The following ZNF618 variants were observed in gnomAD, a reference collection of about 807,000 sequenced individuals.
ZNF618 encodes neural precursor cell expressed, developmentally down-regulated 10.
A neutral mutation model predicts 103.0 loss-of-function variants in ZNF618; 34 were observed. The observed-to-expected ratio is 0.33, with a 90% confidence interval of 0.25 to 0.44. The LOEUF is 0.44. ZNF618 is among the 20% of genes least tolerant of loss of function. ZNF618 has a pLI of 1.00. For synonymous variants in ZNF618, 551 were observed against 542.2 expected, an observed-to-expected ratio of 1.02 and a Z score of -0.23; for missense variants, 1,059 against 1,295.4, an observed-to-expected ratio of 0.82 and a Z score of 2.80.
intron 1 of ZNF618, among the ~76,000 whole-genome samples, chr9:113,964,409 A>T (rs1837162912): frequency 6.6e-6 from 1 of 152,196 alleles, no homozygotes; most frequent in South Asian, 2.1e-4. Context: ...TGTATAACAA[A>T]TGAATATATC....
At position 113,969,122 on chromosome 9, in the gene ZNF618, C is replaced by T. The variant is rs754153795; in HGVS notation, c.39C>T (p.Asp13=). The T allele has an allele frequency of 3.0e-5, 48 of 1,613,838 alleles. No homozygotes were observed. The highest frequency in any genetic ancestry group is 3.3e-4 in the Middle Eastern group (2 of 6,084). ...QPGGAAAPQA[D]GASAAGRKST... ...GTTTTGGGTTTCTTTTGCAGGCTGA[C>T]GGAGCCAGTGCAGCCGGAAGGAAAA... The change falls in exon 2 of 15, where the codon GAC becomes GAT. Residue 13 remains aspartate, a synonymous_variant. Coordinates refer to ENST00000374126, the MANE Select transcript of ZNF618 (RefSeq NM_001318042.2).
chr9:114,019,687 CTGTT>C (rs980345865), intron 10 of ZNF618, among the ~76,000 whole-genome samples: 25 of 152,138 alleles, frequency 1.6e-4, no homozygotes, highest in African/African-American at 5.8e-4. Flanking sequence ...TTTGGTTGGG[CTGTT>C]TGTCTTTTTT....
intron 3 of ZNF618, among the ~76,000 whole-genome samples, chr9:113,990,066 A>G (rs911080857): frequency 6.6e-6 from 1 of 152,184 alleles, no homozygotes; most frequent in Non-Finnish European, 1.5e-5. Flanking sequence ...ATTCCAGTGT[A>G]GTCTGCTCTT....
Position 113,951,497 on chromosome 9 carries a change from GTGTACACATATATGTGTGTATA to G in ZNF618, c.34-17608_34-17587del, listed in dbSNP as rs1472745188. ...TATGTGTACACATATATGTGTGTAT[GTGTACACATATATGTGTGTATA>G]TGTACACATATGTGTGTACATATGT... On this transcript the variant is annotated intron_variant, in intron 1 of 14. Coordinates refer to ENST00000374126, the MANE Select transcript of ZNF618 (RefSeq NM_001318042.2). Among the ~76,000 whole-genome samples the G allele has an allele frequency of 1.1e-3, 39 of 36,938 alleles. 3 individuals are homozygous for G. Among genetic ancestry groups the G allele is most frequent in the African/African-American group, 1.8e-3 (24 of 13,204 alleles). The allele number at this position is 36,938 out of a possible 152,430, so 24.2% of individuals were successfully genotyped here.
chr9:113,938,927 C>T (rs1023038783), intron 1 of ZNF618, among the ~76,000 whole-genome samples: 1 of 151,922 alleles, frequency 6.6e-6, no homozygotes, highest in Non-Finnish European at 1.5e-5. Flanking sequence ...TGTTGACTTG[C>T]GAATATTTAT....
intron 1 of ZNF618, among the ~76,000 whole-genome samples, chr9:113,935,904 A>G (rs950766302): frequency 2.0e-5 from 3 of 152,148 alleles, no homozygotes; most frequent in African/African-American, 4.8e-5. Context: ...TAGTGTGATA[A>G]TGCGCTTATC....
At chr9:113,991,957 C>T (rs1454529876) in intron 3 of ZNF618, among the ~76,000 whole-genome samples, 1 of 152,194 alleles carries the variant, frequency 6.6e-6, no homozygotes, top group African/African-American at 2.4e-5. Context: ...TGCTGGAAGT[C>T]AGGCTTTTCT....
chr9:114,027,382 A>G (rs559435565), intron 10 of ZNF618, among the ~76,000 whole-genome samples: 4 of 152,312 alleles, frequency 2.6e-5, no homozygotes, highest in African/African-American at 9.6e-5. Flanking sequence ...TAAGTGGGGC[A>G]TGACTAAAGA....
At chr9:113,897,792 T>G (rs1464591329) in intron 1 of ZNF618, among the ~76,000 whole-genome samples, 1 of 152,174 alleles carries the variant, frequency 6.6e-6, no homozygotes, top group Non-Finnish European at 1.5e-5. Flanking sequence ...TTTTTTGTTT[T>G]GTTTTGTTTT....
intron 9 of ZNF618, among the ~76,000 whole-genome samples, chr9:114,013,870 C>G (rs1428203994): frequency 1.3e-5 from 2 of 152,102 alleles, no homozygotes; most frequent in African/African-American, 4.8e-5. Flanking sequence ...ATTCTTAGGC[C>G]CTACTCCAGA....
At chr9:113,876,794 C>T (rs916045849) in intron 1 of ZNF618, among the ~76,000 whole-genome samples, 2 of 148,946 alleles carry the variant, frequency 1.3e-5, no homozygotes, top group African/African-American at 4.9e-5. Context: ...CAATTTTCCC[C>T]TGACCCTCTC....
At chr9:114,008,701 G>T in intron 9 of ZNF618, 147 bp downstream of exon 9, 2 of 937,822 alleles carry the variant, frequency 2.1e-6, no homozygotes, top group Non-Finnish European at 1.6e-6. Context: ...GGGCCAGTCA[G>T]TGTTAGGACT....
chr9:113,989,356 G>A (rs779189963), intron 3 of ZNF618, among the ~76,000 whole-genome samples: 20 of 152,196 alleles, frequency 1.3e-4, no homozygotes, highest in Non-Finnish European at 1.8e-4. Flanking sequence ...CAAATCACAC[G>A]CCAGAAATGA....
intron 7 of ZNF618, 89 bp from the exon 8 acceptor site, chr9:114,008,255 G>A: frequency 1.3e-6 from 2 of 1,561,518 alleles, no homozygotes; most frequent in Non-Finnish European, 8.7e-7. Flanking sequence ...GGGGCTGGGA[G>A]CAGTGGCAGA....
At chr9:113,983,315 A>AC (rs1166888401) in intron 2 of ZNF618, among the ~76,000 whole-genome samples, 1 of 152,244 alleles carries the variant, frequency 6.6e-6, no homozygotes, top group Non-Finnish European at 1.5e-5. Flanking sequence ...TTCCATTGTT[A>AC]TTAGGACACC....
At chr9:114,001,065 T>C (rs1841151149) in intron 4 of ZNF618, among the ~76,000 whole-genome samples, 1 of 152,182 alleles carries the variant, frequency 6.6e-6, no homozygotes, top group Non-Finnish European at 1.5e-5. Flanking sequence ...CATCAGGCCT[T>C]CATGAGGGCT....
At chr9:114,033,088 C>T (rs751290261) in intron 12 of ZNF618, among the ~76,000 whole-genome samples, 3 of 152,142 alleles carry the variant, frequency 2.0e-5, no homozygotes, top group Non-Finnish European at 2.9e-5. Context: ...AGTTTCTTTA[C>T]AGGAGAAGCA....
chr9:114,002,599 C>A lies in ZNF618; in HGVS notation c.512-25C>A, dbSNP rs778873599. On this transcript the variant is annotated intron_variant, in intron 5 of 14. Transcript: ENST00000374126. ...GTCATTGGCCCGGTAGCCCCACCCC[C>A]ATCCCTCTCTCTCTCTCTTTGCAGA... is the stretch of plus-strand genomic sequence containing the variant. 8.2e-6 allele frequency: 13 copies of A among 1,586,018 alleles called. 1 individual carries two copies. In the South Asian group the frequency reaches 1.4e-4, roughly 18 times the overall value.
At chr9:113,920,463 G>A (rs1262128802) in intron 1 of ZNF618, among the ~76,000 whole-genome samples, 4 of 150,568 alleles carry the variant, frequency 2.7e-5, no homozygotes, top group Admixed American at 2.6e-4. Context: ...GTTCAGTGGT[G>A]TGATCTCGGT....
Sources: allele counts gnomAD v4.1 joint callset (sites outside exome capture counted in the v4.1 genomes callset), GRCh38; gene constraint gnomAD v4.1.1; transcripts MANE v1.5; gene names NCBI Gene and HGNC (gene_info 2026-07-23, HGNC 2026-07-21).